ANGPTL4: variants seen among roughly 807,000 people sequenced by gnomAD.
ANGPTL4 encodes the protein angiopoietin like 4, also known as angiopoietin-related protein 4.
Under a neutral mutation model 39.2 loss-of-function variants are expected in ANGPTL4, and 39 were observed. The ratio of observed to expected loss-of-function variants is 1.00; its 90% CI spans 0.77 to 1.30. The LOEUF (loss-of-function observed/expected upper bound fraction) is 1.30, where lower values mean the gene tolerates loss of function less well. ANGPTL4 is among the 50% of genes most tolerant of loss of function. The pLI, the probability that ANGPTL4 is intolerant of heterozygous loss-of-function variation, is 0.00. For synonymous variants in ANGPTL4, 233 were observed against 229.5 expected (o/e 1.02, Z -0.14); for missense variants, 545 against 549.8 (o/e 0.99, Z 0.09).
intron 4 of ANGPTL4, among the ~76,000 whole-genome samples, chr19:8,369,711 C>G (rs1025210777): frequency 3.9e-5 from 6 of 151,926 alleles, no homozygotes; most frequent in African/African-American, 1.5e-4. Flanking sequence ...ACTTTGGCCT[C>G]CCAAAATGCT....
At chr19:8,367,763 C>A (rs1308920831) in intron 3 of ANGPTL4, among the ~76,000 whole-genome samples, 4 of 152,222 alleles carry the variant, frequency 2.6e-5, no homozygotes, top group Non-Finnish European at 4.4e-5. Context: ...GATGCTCCTG[C>A]TCAGCACAGT....
At position 8,374,098 on chromosome 19, in the gene ANGPTL4, C is replaced by T; in HGVS notation, c.*212C>T. The T allele has an allele frequency of 1.7e-6, 1 of 590,594 alleles. No homozygotes were observed. The highest frequency in any genetic ancestry group is 3.0e-6 in the Non-Finnish European group (1 of 333,198). 36.6% of individuals were successfully genotyped at this position (590,594 alleles called of 1,614,324 possible). On this transcript the variant is annotated 3_prime_UTR_variant, in exon 7 of 7. Coordinates refer to ENST00000301455, the MANE Select transcript of ANGPTL4 (RefSeq NM_139314.3). The stretch of plus-strand genomic sequence containing the variant: ...CCTGAGATCGAGGCTGCAGGATATG[C>T]TCAGACTCTAGAGGCGTGGACCAAG...
chr19:8,369,823 G>T (rs967172376), intron 4 of ANGPTL4, among the ~76,000 whole-genome samples: 1 of 152,014 alleles, frequency 6.6e-6, no homozygotes. Context: ...ACTTTGGGAG[G>T]CCTATCATGA....
chr19:8,370,972 G>T, intron 4 of ANGPTL4, 84 bp from the exon 5 acceptor site: 1 of 1,449,968 alleles, frequency 6.9e-7, no homozygotes, highest in South Asian at 1.2e-5. Context: ...GGTTTGGAGG[G>T]GGTTTGGTGC....
At position 8,371,542 on chromosome 19, in the gene ANGPTL4, C is replaced by T. The variant is rs772780624; in HGVS notation, c.1039+20C>T. On this transcript the variant is annotated intron_variant, in intron 6 of 6. Coordinates refer to ENST00000301455, the MANE Select transcript of ANGPTL4 (RefSeq NM_139314.3). The surrounding 1 kb of genome is among the most constrained non-coding windows in gnomAD (Gnocchi z 5.1). ...TCTCTGGTGAGCAGGCCCTGCCATG[C>T]CACACCCAGCCAGCAGCTTCCCTCC... 6.2e-7 allele frequency: 1 copy of T among 1,612,658 alleles called. No homozygotes were observed. Among genetic ancestry groups the T allele is most frequent in the Non-Finnish European group, 8.5e-7 (1 of 1,180,004 alleles).
rs926847231 is a variant in ANGPTL4, at chr19:8,364,368, C to G, written c.47C>G (p.Ala16Gly). The G allele has an allele frequency of 6.5e-7, 1 of 1,548,152 alleles. No homozygotes were observed. The highest frequency in any genetic ancestry group is 1.9e-4 in the Middle Eastern group (1 of 5,134). The change falls in exon 1 of 7, where the codon GCC becomes GGC. Residue 16 changes from alanine to glycine, a missense_variant. Coordinates refer to ENST00000301455, the MANE Select transcript of ANGPTL4 (RefSeq NM_139314.3). ...TAGAALMLCAATAVLLSAQGG... is the reference protein window; with the variant it reads ...TAGAALMLCAGTAVLLSAQGG... Reference sequence around the variant, plus strand: ...GGGGCAGCCCTGATGCTCTGCGCCGCCACCGCCGTGCTACTGAGCGCTCAG... The same window carrying G: ...GGGGCAGCCCTGATGCTCTGCGCCGGCACCGCCGTGCTACTGAGCGCTCAG...
intron 6 of ANGPTL4, among the ~76,000 whole-genome samples, chr19:8,372,442 G>T (rs1971140943): frequency 7.3e-6 from 1 of 136,876 alleles, no homozygotes; most frequent in African/African-American, 2.8e-5. Flanking sequence ...TGCCTAAGCT[G>T]GAGTGCAGTG....
At chr19:8,365,827 AAAG>A in intron 1 of ANGPTL4, 124 bp from the exon 2 acceptor site, 1 of 777,060 alleles carries the variant, frequency 1.3e-6, no homozygotes, top group Non-Finnish European at 2.2e-6. Flanking sequence ...TTGGGAAAAA[AAAG>A]AAAAAAGAAA....
chr19:8,368,674 T>C (rs1425108050), intron 3 of ANGPTL4, among the ~76,000 whole-genome samples: 1 of 152,034 alleles, frequency 6.6e-6, no homozygotes, highest in Non-Finnish European at 1.5e-5. Flanking sequence ...CTGGCCAACA[T>C]GGTGAAACCC....
intron 3 of ANGPTL4, among the ~76,000 whole-genome samples, chr19:8,367,525 C>T (rs1456246305): frequency 2.6e-5 from 4 of 151,102 alleles, no homozygotes; most frequent in Admixed American, 6.6e-5. Context: ...CCTGAGGGGC[C>T]GGAAAGCGTC....
At chr19:8,373,596 C>A in intron 6 of ANGPTL4, 109 bp from the exon 7 acceptor site, 1 of 1,509,776 alleles carries the variant, frequency 6.6e-7, no homozygotes, top group Non-Finnish European at 9.1e-7. Context: ...AAGTCCAAAG[C>A]CCAGCCTGGT....
intron 3 of ANGPTL4, among the ~76,000 whole-genome samples, chr19:8,367,550 G>T (rs1971030391): frequency 1.3e-5 from 2 of 148,398 alleles, no homozygotes; most frequent in African/African-American, 2.5e-5. Context: ...TGGTCACTCT[G>T]GGCCCGCCCC....
At position 8,364,413 on chromosome 19, in the gene ANGPTL4, A is replaced by G. The variant is rs1458461260; in HGVS notation, c.92A>G (p.Lys31Arg). 9 of 1,547,996 alleles carry G rather than the reference A, an allele frequency of 5.8e-6. No homozygotes were observed. Among genetic ancestry groups the G allele is most frequent in the African/African-American group, 4.1e-5 (3 of 73,522 alleles). ...GCTCAGGGCGGACCCGTGCAGTCCA[A>G]GTCGCCGCGCTTTGCGTCCTGGGAC... is the stretch of plus-strand genomic sequence containing the variant. ...LSAQGGPVQS[K>R]SPRFASWDEM... The change falls in exon 1 of 7, where the codon AAG becomes AGG. Residue 31 changes from lysine (K) to arginine (R), a missense_variant. By Grantham distance (26) the Lys-to-Arg change is conservative (BLOSUM62 2). Transcript: ENST00000301455.
At chr19:8,369,548 G>A (rs113604983) in intron 4 of ANGPTL4, among the ~76,000 whole-genome samples, 5 of 150,992 alleles carry the variant, frequency 3.3e-5, no homozygotes, top group Non-Finnish European at 5.9e-5. Flanking sequence ...CCGCCTCCCG[G>A]GTTCAAGCAA....
chr19:8,366,127 G>C (rs2145471295), intron 2 of ANGPTL4, 63 bp downstream of exon 2: 2 of 1,607,874 alleles, frequency 1.2e-6, no homozygotes, highest in South Asian at 2.2e-5. Flanking sequence ...TGAGAGGGAG[G>C]TGGTGAGAAC....
At chr19:8,368,957 T>C (rs1181302889) in intron 3 of ANGPTL4, among the ~76,000 whole-genome samples, 5 of 152,172 alleles carry the variant, frequency 3.3e-5, no homozygotes, top group Admixed American at 2.0e-4. Context: ...AAAGCCTGTG[T>C]GCCAGAGAGG....
chr19:8,369,380 T>A, intron 4 of ANGPTL4, 48 bp downstream of exon 4: 1 of 1,392,416 alleles, frequency 7.2e-7, no homozygotes, highest in Non-Finnish European at 1.0e-6. Context: ...TAGGCCCTGT[T>A]GTCTTTCTTT....
In ANGPTL4 at chr19:8,365,992, C is replaced by T; in HGVS notation, c.357C>T (p.Leu119=). ...LKAQNSRIQQ[L]FHKVAQQQRH... is the part of the protein sequence containing the mutation. ...CTCAGAACAGCAGGATCCAGCAACT[C>T]TTCCACAAGGTGGCCCAGCAGCAGC... Residue 119 remains leucine, a synonymous_variant, in exon 2 of 7, where the codon CTC becomes CTT. Transcript: ENST00000301455. 1 of 1,614,154 alleles carries T rather than the reference C, an allele frequency of 6.2e-7. No individual in the cohort carries two copies. Among genetic ancestry groups the T allele is most frequent in the South Asian group, 1.1e-5 (1 of 91,080 alleles).
chr19:8,370,921 C>T (rs1272179189), intron 4 of ANGPTL4, 135 bp from the exon 5 acceptor site: 16 of 968,270 alleles, frequency 1.7e-5, no homozygotes, highest in East Asian at 1.3e-4. Context: ...CCACCCTCCT[C>T]GAGTCCTCCA....
Sources: gnomAD v4.1 joint callset for allele counts (sites outside exome capture counted in the v4.1 genomes callset) on GRCh38, gnomAD v4.1.1 for gene constraint, Gnocchi (gnomAD v3.1) non-coding constraint, MANE v1.5 for transcripts, NCBI Gene and HGNC (gene_info 2026-07-23, HGNC 2026-07-21) for gene names.